Variants in BLTP3A observed in about 807,000 individuals in gnomAD.
BLTP3A encodes ICBP90 binding protein 1.
the BLTP3A span, among the ~76,000 whole-genome samples, chr6:34,839,903 C>T: frequency 1.3e-5 from 2 of 152,236 alleles, no homozygotes; most frequent in East Asian, 3.8e-4. Context: ...TCTGTCTGGG[C>T]GCCAGCGCCT....
At chr6:34,864,128 C>G in the BLTP3A span, 2 of 1,613,958 alleles carry the variant, frequency 1.2e-6, no homozygotes, top group Non-Finnish European at 1.7e-6. Context: ...CATTGGATAG[C>G]AGTGGCCCTG....
chr6:34,847,413 C>T, the BLTP3A span, among the ~76,000 whole-genome samples: 1 of 152,102 alleles, frequency 6.6e-6, no homozygotes, highest in Non-Finnish European at 1.5e-5. Context: ...CGGTAAAATT[C>T]AGCAGTGAAG....
chr6:34,813,360 C>T, the BLTP3A span, among the ~76,000 whole-genome samples: 1 of 152,160 alleles, frequency 6.6e-6, no homozygotes, highest in African/African-American at 2.4e-5. Context: ...AAGATTCCTT[C>T]TAGCTCTGAA....
chr6:34,842,586 G>T, the BLTP3A span, among the ~76,000 whole-genome samples: 3 of 152,174 alleles, frequency 2.0e-5, no homozygotes, highest in East Asian at 5.8e-4. Flanking sequence ...GCTCACACCT[G>T]TAATCCCAGC....
the BLTP3A span, among the ~76,000 whole-genome samples, chr6:34,864,828 C>T: frequency 1.3e-5 from 2 of 151,902 alleles, no homozygotes; most frequent in African/African-American, 4.8e-5. Context: ...ATTAGCTGGG[C>T]TTAGCGGCAG....
At chr6:34,817,302 G>A in the BLTP3A span, among the ~76,000 whole-genome samples, 33,001 of 152,064 alleles carry the variant, frequency 0.22, 4,337 homozygotes, top group African/African-American at 0.36. Context: ...TGTTTTCAGA[G>A]GAAAAGAACC....
the BLTP3A span, chr6:34,835,210 T>G: frequency 6.8e-7 from 1 of 1,465,588 alleles, no homozygotes; most frequent in East Asian, 2.3e-5. Context: ...GAAAAGCCGC[T>G]TCTGAAACTG....
chr6:34,798,715 C>CTTATG, the BLTP3A span, among the ~76,000 whole-genome samples: 1 of 149,590 alleles, frequency 6.7e-6, no homozygotes, highest in Non-Finnish European at 1.5e-5. Flanking sequence ...TATATCAGAA[C>CTTATG]CTTGAAAGCA....
At chr6:34,834,469 A>G in the BLTP3A span, 2 of 1,585,888 alleles carry the variant, frequency 1.3e-6, no homozygotes, top group Admixed American at 3.5e-5. Context: ...ACTGATTCTT[A>G]AAGGATATTA....
At chr6:34,810,812 C>T in the BLTP3A span, among the ~76,000 whole-genome samples, 16 of 152,106 alleles carry the variant, frequency 1.1e-4, no homozygotes, top group African/African-American at 3.6e-4. Flanking sequence ...TTACATTTCT[C>T]CTGACTGCAA....
chr6:34,823,740 G>A, the BLTP3A span, among the ~76,000 whole-genome samples: 1 of 150,810 alleles, frequency 6.6e-6, no homozygotes, highest in Admixed American at 6.6e-5. Context: ...TCACTATGTT[G>A]CCCAGGCTGG....
At chr6:34,814,881 A>G in the BLTP3A span, among the ~76,000 whole-genome samples, 2 of 152,134 alleles carry the variant, frequency 1.3e-5, no homozygotes, top group African/African-American at 2.4e-5. Flanking sequence ...ATGTCCTCCA[A>G]CCACTTCTGA....
At chr6:34,861,651 A>C in the BLTP3A span, among the ~76,000 whole-genome samples, 2 of 152,228 alleles carry the variant, frequency 1.3e-5, no homozygotes, top group African/African-American at 4.8e-5. Context: ...TTTTACAACA[A>C]TAGGATTATA....
At chr6:34,874,394 G>GTGGGTGCC in the BLTP3A span, 3 of 152,302 alleles carry the variant, frequency 2.0e-5, no homozygotes, top group Non-Finnish European at 2.9e-5. Flanking sequence ...GGGTGTGGTG[G>GTGGGTGCC]TGGGTGCCTG....
the BLTP3A span, among the ~76,000 whole-genome samples, chr6:34,810,576 C>T: frequency 2.0e-5 from 3 of 152,308 alleles, no homozygotes; most frequent in Admixed American, 2.0e-4. Flanking sequence ...TTTACTGATA[C>T]TCCCACCTCA....
the BLTP3A span, among the ~76,000 whole-genome samples, chr6:34,805,236 G>A: frequency 6.6e-6 from 1 of 151,934 alleles, no homozygotes; most frequent in African/African-American, 2.4e-5. Context: ...AACCGTGACT[G>A]TGCCACTACA....
At chr6:34,825,192 C>T in the BLTP3A span, among the ~76,000 whole-genome samples, 1 of 152,160 alleles carries the variant, frequency 6.6e-6, no homozygotes, top group African/African-American at 2.4e-5. Context: ...AAATGTTTCT[C>T]ATTTAATCTG....
chr6:34,843,997 T>C, the BLTP3A span, among the ~76,000 whole-genome samples: 3 of 152,198 alleles, frequency 2.0e-5, no homozygotes, highest in Non-Finnish European at 2.9e-5. Context: ...TGTTTTTGTT[T>C]TGAGATGGAG....
the BLTP3A span, chr6:34,856,114 C>T: frequency 1.5e-6 from 2 of 1,315,254 alleles, no homozygotes; most frequent in Non-Finnish European, 1.0e-6. Context: ...TTTTCCTTAT[C>T]CTAGAGATTT....
Sources: allele counts gnomAD v4.1 joint callset (sites outside exome capture counted in the v4.1 genomes callset), GRCh38; gene constraint gnomAD v4.1.1; transcripts MANE v1.5; gene names NCBI Gene and HGNC (gene_info 2026-07-23, HGNC 2026-07-21).